The following VWF variants were observed in gnomAD, a reference collection of about 807,000 sequenced individuals.
The protein encoded by VWF is von Willebrand factor, also known as Factor VIII related antigen.
Under a neutral mutation model 308.6 loss-of-function variants are expected in VWF, and 176 were observed. The ratio of observed to expected loss-of-function variants is 0.57; its 90% CI spans 0.50 to 0.65. VWF has a LOEUF of 0.65. Ranked by LOEUF, VWF falls within the 30% of genes least tolerant of loss-of-function variation. VWF has a pLI of 0.00. For synonymous variants in VWF, 1,385 were observed against 1,443.4 expected (o/e 0.96, Z 0.92); for missense variants, 3,146 against 3,648.2 (o/e 0.86, Z 3.55).
intron 30 of VWF, 90 bp from the exon 31 acceptor site, chr12:6,016,322 T>C: frequency 6.3e-7 from 1 of 1,594,130 alleles, no homozygotes; most frequent in Non-Finnish European, 8.6e-7. Context: ...ACTTAAAAGC[T>C]GAATGATTCA....
chr12:5,996,686 T>C (rs1447935625), intron 34 of VWF, among the ~76,000 whole-genome samples: 2 of 145,394 alleles, frequency 1.4e-5, no homozygotes, highest in African/African-American at 5.2e-5. Flanking sequence ...ACTAAGGTAA[T>C]GGTACAAGTG....
chr12:5,999,106 TCTAA>T lies in VWF; in HGVS notation c.5843-2888_5843-2885del, dbSNP rs1351502045. 2.6e-5 allele frequency among the ~76,000 whole-genome samples: 4 copies of T among 152,148 alleles called. No individual in the cohort carries two copies. In the East Asian group the frequency reaches 5.8e-4, roughly 22 times the overall value. ...CCCACCCAGCAAAAATCCCTCATCC[TCTAA>T]CTGTTAGCCTTTGTCATGAGCAAGG... is the stretch of plus-strand genomic sequence containing the variant. On this transcript the variant is annotated intron_variant, in intron 34 of 51. Coordinates refer to ENST00000261405, the MANE Select transcript of VWF (RefSeq NM_000552.5).
intron 38 of VWF, among the ~76,000 whole-genome samples, chr12:5,987,486 CA>C (rs1312734649): frequency 3.9e-5 from 6 of 152,228 alleles, no homozygotes; most frequent in Non-Finnish European, 8.8e-5. Flanking sequence ...TAGCCTCTTG[CA>C]GCACAACTGC....
At chr12:6,105,915 C>T (rs959141421) in intron 5 of VWF, among the ~76,000 whole-genome samples, 17 of 151,954 alleles carry the variant, frequency 1.1e-4, no homozygotes, top group South Asian at 8.4e-4. Context: ...TGGTGGCATG[C>T]GCCTGTAGTC....
chr12:6,011,669 G>C lies in VWF; in HGVS notation c.5790C>G (p.Ser1930Arg), dbSNP rs1943995745. ...DRGLRPSCPNSQSPVKVEETC... is the reference protein window; with the variant it reads ...DRGLRPSCPNRQSPVKVEETC... The stretch of plus-strand genomic sequence containing the variant: ...TCTCTTCCACTTTAACAGGGGACTG[G>C]CTGTTAGGGCACGAAGGCCTCAGCC... The change falls in exon 34 of 52, where the codon AGC becomes AGG. Residue 1930 changes from serine to arginine, a missense_variant. Coordinates refer to ENST00000261405, the MANE Select transcript of VWF (RefSeq NM_000552.5). 4.3e-6 allele frequency: 7 copies of C among 1,613,662 alleles called. No homozygotes were observed. The East Asian group carries it at 1.6e-4, about 36-fold the overall frequency.
intron 19 of VWF, 108 bp downstream of exon 19, chr12:6,036,280 G>T: frequency 1.1e-6 from 1 of 908,112 alleles, no homozygotes; most frequent in Non-Finnish European, 1.8e-6. Context: ...AGAGTAACCA[G>T]GTTCCCACAG....
intron 10 of VWF, among the ~76,000 whole-genome samples, chr12:6,070,650 A>G (rs576046859): frequency 6.6e-6 from 1 of 152,362 alleles, no homozygotes; most frequent in East Asian, 1.9e-4. Flanking sequence ...GTGAGCACAG[A>G]GGGCAAGGTC....
At chr12:5,953,651 G>A (rs1458731985) in intron 47 of VWF, 57 bp from the exon 48 acceptor site, 2 of 1,418,396 alleles carry the variant, frequency 1.4e-6, no homozygotes, top group Non-Finnish European at 2.0e-6. Flanking sequence ...CATCCCAATT[G>A]TAAGTAGGCT....
At chr12:6,068,832 T>TCG (rs1565851315) in intron 10 of VWF, among the ~76,000 whole-genome samples, 3 of 101,072 alleles carry the variant, frequency 3.0e-5, no homozygotes, top group African/African-American at 1.7e-4. Flanking sequence ...TTTTTTTTTT[T>TCG]TGCGTGTGTG....
chr12:5,994,647 T>C, intron 35 of VWF, 40 bp from the exon 36 acceptor site: 1 of 1,599,688 alleles, frequency 6.3e-7, no homozygotes, highest in Non-Finnish European at 8.6e-7. Flanking sequence ...GTCCTAGCAA[T>C]GAGGAATCCT....
chr12:5,964,258 ACATACATACATACATG>A (rs1297509523), intron 47 of VWF, among the ~76,000 whole-genome samples: 3 of 146,208 alleles, frequency 2.1e-5, no homozygotes, highest in East Asian at 2.0e-4. Flanking sequence ...ATGCATACAT[ACATACATACATACATG>A]CATACATACA....
intron 16 of VWF, among the ~76,000 whole-genome samples, chr12:6,050,782 C>T (rs995857752): frequency 6.6e-6 from 1 of 152,030 alleles, no homozygotes; most frequent in Non-Finnish European, 1.5e-5. Context: ...ATGGCGAAAC[C>T]CCGTCTCTAC....
chr12:6,103,449 CATAT>C (rs200344088), intron 5 of VWF, among the ~76,000 whole-genome samples: 6 of 100,894 alleles, frequency 5.9e-5, no homozygotes, highest in African/African-American at 1.5e-4. Context: ...TATACATACA[CATAT>C]ATGTGTATAT....
At chr12:6,109,926 A>G (rs1295247678) in intron 5 of VWF, among the ~76,000 whole-genome samples, 2 of 152,220 alleles carry the variant, frequency 1.3e-5, no homozygotes, top group African/African-American at 4.8e-5. Context: ...CTGGGATTAC[A>G]GGGGTAAGCC....
Position 5,952,489 on chromosome 12 carries a change from T to C in VWF, c.8017A>G (p.Thr2673Ala). ...RDETLQDGCD[T>A]HFCKVNERGE... is the part of the protein sequence containing the mutation. ...CTCTCATTGACCTTGCAGAAGTGAG[T>C]ATCACAGCCATCCTGGAGCGTCTCA... Residue 2673 changes from threonine to alanine, a missense_variant, in exon 49 of 52, where the codon ACT (threonine) becomes GCT (alanine). Thr to Ala is a moderately conservative substitution (Grantham distance 58). This residue lies in a region of VWF where 989 missense variants were observed against 1,117.4 expected (regional missense o/e 0.89). Transcript: ENST00000261405. 1 of 1,613,988 alleles carries C rather than the reference T, an allele frequency of 6.2e-7. No individual in the cohort carries two copies. Among genetic ancestry groups the C allele is most frequent in the South Asian group, 1.1e-5 (1 of 91,080 alleles).
chr12:5,959,238 T>C (rs1943283802), intron 47 of VWF, among the ~76,000 whole-genome samples: 1 of 151,996 alleles, frequency 6.6e-6, no homozygotes, highest in African/African-American at 2.4e-5. Context: ...ATAAAGGAGG[T>C]TATTTGATAA....
chr12:5,994,236 C>T (rs1943781613), intron 36 of VWF, 33 bp from the exon 37 acceptor site: 3 of 1,612,324 alleles, frequency 1.9e-6, no homozygotes, highest in Non-Finnish European at 2.5e-6. Context: ...AAAAGATAAA[C>T]TGAGTGGCCC....
intron 37 of VWF, among the ~76,000 whole-genome samples, chr12:5,992,520 A>T (rs760063345): frequency 6.6e-6 from 1 of 152,256 alleles, no homozygotes; most frequent in African/African-American, 2.4e-5. Context: ...GTTGTATGAC[A>T]GAAAATTTTA....
intron 16 of VWF, among the ~76,000 whole-genome samples, chr12:6,051,978 G>A (rs149086905): frequency 2.0e-3 from 305 of 152,308 alleles, no homozygotes; most frequent in Non-Finnish European, 3.1e-3. Context: ...GTAAGTGTTT[G>A]CTCAACAAAT....
Sources: gnomAD v4.1 joint callset for allele counts (sites outside exome capture counted in the v4.1 genomes callset) on GRCh38, gnomAD v4.1.1 for gene constraint, gnomAD v4.1.1 regional missense constraint, MANE v1.5 for transcripts, NCBI Gene and HGNC (gene_info 2026-07-23, HGNC 2026-07-21) for gene names.